CHN2: variants seen among roughly 807,000 people sequenced by gnomAD.
CHN2 encodes chimerin 2, also known as beta-chimaerin.
CHN2 carries 35 observed loss-of-function variants against 56.3 expected under a neutral mutation model. The ratio of observed to expected loss-of-function variants is 0.62; its 90% CI spans 0.47 to 0.82. CHN2 has a LOEUF of 0.82. Among genes scored for constraint, CHN2 ranks in the 40% least tolerant of loss-of-function variants. CHN2 has a pLI of 0.00. For synonymous variants in CHN2, 210 were observed against 212.8 expected (o/e 0.99, Z 0.12); for missense variants, 491 against 580.5 (o/e 0.85, Z 1.58).
chr7:29,447,828 G>C (rs1192948639), intron 6 of CHN2, among the ~76,000 whole-genome samples: 1 of 152,174 alleles, frequency 6.6e-6, no homozygotes, highest in Non-Finnish European at 1.5e-5. Flanking sequence ...TTTATTGTAT[G>C]TCAGTCATAA....
At chr7:29,486,350 G>A (rs912985683) in intron 7 of CHN2, among the ~76,000 whole-genome samples, 4 of 152,188 alleles carry the variant, frequency 2.6e-5, no homozygotes, top group African/African-American at 7.2e-5. Context: ...TGTGCGGCTT[G>A]TGTGTTGTAT....
rs908069036 is a variant in CHN2 at position 29,499,198 on chromosome 7, T to G, written c.740-669T>G. On this transcript the variant is annotated intron_variant, in intron 8 of 12. Coordinates refer to ENST00000222792, the MANE Select transcript of CHN2 (RefSeq NM_004067.4). ...TGAACTTTATAAATAATCATCACAT[T>G]ACATTACATGGTATTGTTATAAACT... Among the ~76,000 whole-genome samples, 10 of 152,208 alleles carry G rather than the reference T, an allele frequency of 6.6e-5. No individual in the cohort carries two copies. In the East Asian group the frequency reaches 1.9e-3, roughly 29 times the overall value.
exon 2 of CHN2, chr7:29,146,952 G>A: frequency 6.4e-7 from 1 of 1,551,066 alleles, no homozygotes; most frequent in African/African-American, 1.4e-5. Flanking sequence ...CATTCCAGCT[G>A]CACTAGCAGT....
At chr7:29,161,377 G>A (rs994059834) in intron 2 of CHN2, among the ~76,000 whole-genome samples, 1 of 152,164 alleles carries the variant, frequency 6.6e-6, no homozygotes, top group African/African-American at 2.4e-5. Flanking sequence ...GAGCCTGCCA[G>A]ATAAGATTTC....
intron 1 of CHN2, among the ~76,000 whole-genome samples, chr7:29,329,706 G>T (rs1462269827): frequency 3.9e-5 from 6 of 152,116 alleles, no homozygotes; most frequent in Non-Finnish European, 8.8e-5. Flanking sequence ...AGAAATAAGT[G>T]CATTTTTATC....
chr7:29,238,896 C>A (rs39077), intron 1 of CHN2, among the ~76,000 whole-genome samples: 84,408 of 151,918 alleles, frequency 0.56, 24,216 homozygotes, highest in East Asian at 0.91. Context: ...ATGAGCAAGG[C>A]GGGGCAGTAG....
intron 1 of CHN2, among the ~76,000 whole-genome samples, chr7:29,225,417 A>G (rs1245613210): frequency 6.6e-6 from 1 of 152,208 alleles, no homozygotes; most frequent in Non-Finnish European, 1.5e-5. Flanking sequence ...TATCATATAC[A>G]GTGATGAAGT....
intron 1 of CHN2, among the ~76,000 whole-genome samples, chr7:29,245,875 T>C (rs1446557765): frequency 6.6e-6 from 1 of 152,224 alleles, no homozygotes; most frequent in African/African-American, 2.4e-5. Flanking sequence ...TTCCCATGCT[T>C]CAAATACATC....
chr7:29,482,860 C>G (rs985870597), intron 7 of CHN2, among the ~76,000 whole-genome samples: 3 of 107,776 alleles, frequency 2.8e-5, no homozygotes, highest in African/African-American at 1.1e-4. Flanking sequence ...CTCGCTGTGT[C>G]TCCCAGGTTG....
At chr7:29,322,580 T>G (rs1434156160) in intron 1 of CHN2, among the ~76,000 whole-genome samples, 1 of 152,172 alleles carries the variant, frequency 6.6e-6, no homozygotes, top group Non-Finnish European at 1.5e-5. Flanking sequence ...AGATGAAAGC[T>G]CTCTATAATG....
intron 8 of CHN2, among the ~76,000 whole-genome samples, chr7:29,498,002 T>C (rs1366894859): frequency 6.6e-6 from 1 of 152,152 alleles, no homozygotes. Flanking sequence ...ACAGTGTGAA[T>C]GTACTTAATG....
intron 7 of CHN2, among the ~76,000 whole-genome samples, chr7:29,487,077 C>T (rs1033234389): frequency 2.0e-5 from 3 of 152,146 alleles, no homozygotes; most frequent in African/African-American, 7.2e-5. Context: ...ATCAAGCTCC[C>T]AGGTGTCTAT....
At chr7:29,435,610 C>T (rs538254013) in intron 6 of CHN2, among the ~76,000 whole-genome samples, 60 of 152,254 alleles carry the variant, frequency 3.9e-4, no homozygotes, top group African/African-American at 1.4e-3. Flanking sequence ...TATATCTAGA[C>T]ACAGACAAGG....
At chr7:29,169,880 GTA>G (rs61360748) in intron 2 of CHN2, among the ~76,000 whole-genome samples, 7 of 150,040 alleles carry the variant, frequency 4.7e-5, no homozygotes, top group African/African-American at 1.2e-4. Flanking sequence ...GTGTGTGTGT[GTA>G]TATATATATG....
intron 7 of CHN2, among the ~76,000 whole-genome samples, chr7:29,481,295 TC>T (rs1190958051): frequency 6.6e-6 from 1 of 152,198 alleles, no homozygotes; most frequent in Non-Finnish European, 1.5e-5. Flanking sequence ...TTAAAAAAAT[TC>T]TTGTTTCCTT....
At chr7:29,368,490 G>C (rs1585178389) in intron 3 of CHN2, among the ~76,000 whole-genome samples, 1 of 152,284 alleles carries the variant, frequency 6.6e-6, no homozygotes, top group African/African-American at 2.4e-5. Flanking sequence ...TCAGTTCTCT[G>C]ATTGTGTGGG....
chr7:29,247,502 C>A, intron 1 of CHN2, among the ~76,000 whole-genome samples: 1 of 152,214 alleles, frequency 6.6e-6, no homozygotes, highest in East Asian at 1.9e-4. Context: ...TGACCTGCTT[C>A]CTGAGCTCAG....
At chr7:29,413,926 T>C (rs1426129163) in intron 6 of CHN2, among the ~76,000 whole-genome samples, 1 of 152,220 alleles carries the variant, frequency 6.6e-6, no homozygotes, top group Non-Finnish European at 1.5e-5. Context: ...TTTGTTCTTA[T>C]GAAGAAATAG....
intron 1 of CHN2, among the ~76,000 whole-genome samples, chr7:29,221,155 C>T (rs755432670): frequency 2.6e-5 from 4 of 152,030 alleles, no homozygotes; most frequent in Non-Finnish European, 4.4e-5. Flanking sequence ...ATGATTTCTC[C>T]GAGTTTGGGA....
Sources: gnomAD v4.1 joint callset for allele counts (sites outside exome capture counted in the v4.1 genomes callset) on GRCh38, gnomAD v4.1.1 for gene constraint, MANE v1.5 for transcripts, NCBI Gene and HGNC (gene_info 2026-07-23, HGNC 2026-07-21) for gene names.